GPR89A: variants seen among roughly 807,000 people sequenced by gnomAD.
GPR89A encodes the protein golgi pH regulator A.
GPR89A carries 16 observed loss-of-function variants against 52.0 expected under a neutral mutation model. That is an observed-to-expected ratio of 0.31 (90% confidence interval 0.21 to 0.47). GPR89A has a LOEUF of 0.47. GPR89A is among the 20% of genes least tolerant of loss of function. The pLI is 1.00. For missense variants in GPR89A, 135 were observed against 449.4 expected (o/e 0.30, Z 6.33); for synonymous variants, 55 against 150.9 (o/e 0.36, Z 4.66).
chr1:145,622,141 C>T (rs1467285519), intron 3 of GPR89A, among the ~76,000 whole-genome samples: 1 of 152,104 alleles, frequency 6.6e-6, no homozygotes, highest in South Asian at 2.1e-4. Flanking sequence ...CCTAGCGTCT[C>T]TATTTATAAT....
At chr1:145,646,909 C>G in intron 9 of GPR89A, 1 of 447,052 alleles carries the variant, frequency 2.2e-6, no homozygotes. Context: ...ATTTTCTCAT[C>G]TGTAAAATTA....
At chr1:145,629,598 G>A (rs1192180524) in intron 5 of GPR89A, among the ~76,000 whole-genome samples, 5 of 152,098 alleles carry the variant, frequency 3.3e-5, no homozygotes, top group Admixed American at 2.0e-4. Flanking sequence ...GCAATTTGAG[G>A]CAGCAAAACA....
chr1:145,611,178 G>T (rs1364364302), intron 1 of GPR89A, among the ~76,000 whole-genome samples: 1 of 145,356 alleles, frequency 6.9e-6, no homozygotes, highest in African/African-American at 2.6e-5. Context: ...GTGTGTGTGT[G>T]TGTAGTTTAA....
intron 1 of GPR89A, among the ~76,000 whole-genome samples, chr1:145,609,228 A>G (rs1247199968): frequency 1.3e-5 from 2 of 152,144 alleles, no homozygotes; most frequent in Non-Finnish European, 2.9e-5. Flanking sequence ...AAGTGAACTA[A>G]ATTTGTGTTC....
At chr1:145,653,022 G>A (rs587736578) in intron 10 of GPR89A, among the ~76,000 whole-genome samples, 1,997 of 130,600 alleles carry the variant, frequency 0.015, 65 homozygotes, top group African/African-American at 0.066. Flanking sequence ...TGCTAGCTTT[G>A]GGGTTTGTTT....
At chr1:145,619,058 A>G (rs1448939723) in intron 3 of GPR89A, among the ~76,000 whole-genome samples, 19 of 152,124 alleles carry the variant, frequency 1.2e-4, no homozygotes, top group African/African-American at 4.1e-4. Flanking sequence ...GGGTTCATCA[A>G]CTATGCTATG....
intron 3 of GPR89A, among the ~76,000 whole-genome samples, chr1:145,620,577 G>A (rs182731237): frequency 0.017 from 2,472 of 148,954 alleles, 26 homozygotes; most frequent in Non-Finnish European, 0.025. Flanking sequence ...TTTTCTTTGT[G>A]TGCTATATAG....
intron 5 of GPR89A, among the ~76,000 whole-genome samples, chr1:145,626,153 C>G (rs1649481998): frequency 6.6e-6 from 1 of 150,552 alleles, no homozygotes; most frequent in African/African-American, 2.5e-5. Flanking sequence ...TCAAAGAAAC[C>G]CACAGACAGA....
At chr1:145,653,092 A>G (rs1571529279) in intron 10 of GPR89A, among the ~76,000 whole-genome samples, 1 of 150,216 alleles carries the variant, frequency 6.7e-6, no homozygotes, top group African/African-American at 2.5e-5. Flanking sequence ...AGATCTTTCT[A>G]GCTTTTTGAT....
intron 7 of GPR89A, among the ~76,000 whole-genome samples, chr1:145,635,619 A>G (rs1330077675): frequency 1.3e-5 from 2 of 152,208 alleles, no homozygotes; most frequent in African/African-American, 4.8e-5. Context: ...AAACAATACT[A>G]TTTTGATTCC....
At chr1:145,639,207 A>T (rs1452320990) in intron 7 of GPR89A, among the ~76,000 whole-genome samples, 1 of 151,894 alleles carries the variant, frequency 6.6e-6, no homozygotes, top group African/African-American at 2.4e-5. Context: ...ATTCTCCCCA[A>T]ATTGGTATAC....
intron 7 of GPR89A, among the ~76,000 whole-genome samples, chr1:145,634,264 G>C (rs1445777697): frequency 6.6e-6 from 1 of 151,918 alleles, no homozygotes; most frequent in Non-Finnish European, 1.5e-5. Flanking sequence ...ATTTTTGGTA[G>C]AGACGGGGTT....
At chr1:145,629,292 A>G (rs1649735587) in intron 5 of GPR89A, among the ~76,000 whole-genome samples, 1 of 152,212 alleles carries the variant, frequency 6.6e-6, no homozygotes, top group Non-Finnish European at 1.5e-5. Flanking sequence ...TGTATATTCA[A>G]TGTTATAAAA....
chr1:145,625,304 A>G (rs1446688464), intron 5 of GPR89A, among the ~76,000 whole-genome samples: 1 of 136,164 alleles, frequency 7.3e-6, no homozygotes, highest in Non-Finnish European at 1.6e-5. Context: ...CTCTCTATAC[A>G]TGTTGCATTC....
At chr1:145,617,404 T>G (rs112855671) in intron 2 of GPR89A, among the ~76,000 whole-genome samples, 4,810 of 150,672 alleles carry the variant, frequency 0.032, 255 homozygotes, top group African/African-American at 0.11. Context: ...CACATGTTTT[T>G]CAAACAATTT....
At chr1:145,666,767 T>C (rs1283400850) in intron 12 of GPR89A, among the ~76,000 whole-genome samples, 1 of 144,316 alleles carries the variant, frequency 6.9e-6, no homozygotes, top group African/African-American at 2.6e-5. Context: ...AGTGTTCTCA[T>C]TGTTCAGTTC....
chr1:145,640,906 A>G (rs1650615775), intron 7 of GPR89A, among the ~76,000 whole-genome samples: 1 of 151,276 alleles, frequency 6.6e-6, no homozygotes, highest in Admixed American at 6.6e-5. Flanking sequence ...ACCACATGAA[A>G]AGGTGTTCAA....
chr1:145,640,166 C>T (rs1452055800), intron 7 of GPR89A, among the ~76,000 whole-genome samples: 18 of 143,732 alleles, frequency 1.3e-4, no homozygotes, highest in East Asian at 2.1e-4. Flanking sequence ...TGCAGTGAGC[C>T]GAGATCCGCC....
intron 6 of GPR89A, among the ~76,000 whole-genome samples, chr1:145,631,404 T>G (rs1649870602): frequency 7.5e-6 from 1 of 133,038 alleles, no homozygotes; most frequent in Non-Finnish European, 1.6e-5. Context: ...ATATATATTT[T>G]ATATATATAT....
Sources: gnomAD v4.1 joint callset for allele counts (sites outside exome capture counted in the v4.1 genomes callset) on GRCh38, gnomAD v4.1.1 for gene constraint, MANE v1.5 for transcripts, NCBI Gene and HGNC (gene_info 2026-07-23, HGNC 2026-07-21) for gene names.